Variants in EI24 observed in about 807,000 individuals in gnomAD.
The protein encoded by EI24 is etoposide-induced protein 2.4 homolog.
EI24 carries 21 observed loss-of-function variants against 48.6 expected under a neutral mutation model. The ratio of observed to expected loss-of-function variants is 0.43; its 90% CI spans 0.31 to 0.62. The LOEUF (loss-of-function observed/expected upper bound fraction) is 0.62, where lower values mean the gene tolerates loss of function less well. Among genes scored for constraint, EI24 ranks in the 20% least tolerant of loss-of-function variants. The probability of loss-of-function intolerance (pLI) is 0.10; values close to 1 mark genes in which losing one functional copy is unlikely to be tolerated. For missense variants in EI24, 280 were observed against 410.5 expected (o/e 0.68, Z 2.75); for synonymous variants, 114 against 145.5 (o/e 0.78, Z 1.56).
rs1227885517 is a variant in EI24 at position 125,575,345 on chromosome 11, G to A, written c.125G>A (p.Arg42Gln). Residue 42 changes from arginine (R) to glutamine (Q), a missense_variant, in exon 3 of 11, where the codon CGA (arginine) becomes CAA (glutamine). Physicochemically the swap from Arg to Gln is conservative, Grantham distance 43 (BLOSUM62 1). Coordinates refer to ENST00000278903, the MANE Select transcript of EI24 (RefSeq NM_004879.5). ...RIQQKREEQR[R>Q]RRASSVLAQR... ...CAGCAAAAGAGAGAGGAGCAGCGTC[G>A]AAGAAGGGCAAGTAGTGTCTTGGCA... The A allele has an allele frequency of 6.3e-6, 10 of 1,583,874 alleles. No individual in the cohort carries two copies. The highest frequency in any genetic ancestry group is 2.3e-5 in the South Asian group (2 of 86,218).
chr11:125,573,241 G>A (rs368382848), intron 2 of EI24, among the ~76,000 whole-genome samples: 16 of 152,238 alleles, frequency 1.1e-4, no homozygotes, highest in African/African-American at 3.9e-4. Context: ...AGCTGTGCAC[G>A]TGAGGAGGAT....
At position 125,582,409 on chromosome 11, in the gene EI24, TG is replaced by T; in HGVS notation, c.851del (p.Gly284AlafsTer17). 6.2e-7 allele frequency: 1 copy of T among 1,603,148 alleles called. No homozygotes were observed. The highest frequency in any genetic ancestry group is 8.5e-7 in the Non-Finnish European group (1 of 1,174,588). ...IISANEAKTP[G>X]KAYLFQLRLF... ...TCAGCGCCAATGAAGCAAAGACCCCTGGCAAAGCATAGTAAGTATTAGCCAG... is the reference window on the plus strand; with the variant it reads ...TCAGCGCCAATGAAGCAAAGACCCCTGCAAAGCATAGTAAGTATTAGCCAG... On this transcript the variant is annotated frameshift_variant, in exon 10 of 11. Transcript: ENST00000278903. LOFTEE classifies it high-confidence loss of function.
chr11:125,578,332 G>C (rs1214100865), intron 6 of EI24, 75 bp downstream of exon 6: 11 of 1,598,462 alleles, frequency 6.9e-6, no homozygotes, highest in Non-Finnish European at 8.6e-6. Flanking sequence ...AGCCTGTGAA[G>C]TTAGTGGGCA....
intron 5 of EI24, 127 bp from the exon 6 acceptor site, chr11:125,578,006 G>A (rs1938818596): frequency 9.3e-7 from 1 of 1,080,218 alleles, no homozygotes; most frequent in Non-Finnish European, 1.4e-6. Flanking sequence ...GATAGGTATA[G>A]TGATGTGCTG....
chr11:125,578,009 A>ATG, intron 5 of EI24, 124 bp from the exon 6 acceptor site: 1 of 1,108,410 alleles, frequency 9.0e-7, no homozygotes, highest in South Asian at 1.4e-5. Flanking sequence ...AGGTATAGTG[A>ATG]TGTGCTGGCA....
At chr11:125,576,790 C>T (rs1938767403) in intron 4 of EI24, among the ~76,000 whole-genome samples, 1 of 152,164 alleles carries the variant, frequency 6.6e-6, no homozygotes, top group Non-Finnish European at 1.5e-5. Context: ...AATTTGGGTA[C>T]TTTGAAGAAT....
intron 1 of EI24, chr11:125,570,176 C>G (rs1364564976): frequency 6.6e-6 from 1 of 152,194 alleles, no homozygotes; most frequent in Non-Finnish European, 1.5e-5. Flanking sequence ...TAAGTAAAAA[C>G]AAGTCTCGAC....
intron 10 of EI24, 108 bp downstream of exon 10, chr11:125,582,528 T>C (rs1042410032): frequency 1.2e-6 from 1 of 856,668 alleles, no homozygotes; most frequent in East Asian, 2.8e-5. Flanking sequence ...TGTAGGAAAA[T>C]CTTAATATAA....
At position 125,577,416 on chromosome 11, in the gene EI24, C is replaced by T; in HGVS notation, c.250-88C>T. 4 of 1,305,984 alleles carry T rather than the reference C, an allele frequency of 3.1e-6. No homozygotes were observed. The South Asian group carries it at 5.0e-5, about 16-fold the overall frequency. 80.9% of individuals were successfully genotyped at this position (1,305,984 alleles called of 1,614,324 possible). A position where few individuals can be genotyped will look rare whatever the true frequency, so the allele number is the denominator to read the frequency against. On this transcript the variant is annotated intron_variant, in intron 4 of 10. Transcript: ENST00000278903. Reference sequence around the variant, plus strand: ...GGCCTCCTGATTTATAAAAGTCACTCCCATCTATAAAATCATTACACTAAA... The same window carrying T: ...GGCCTCCTGATTTATAAAAGTCACTTCCATCTATAAAATCATTACACTAAA...
intron 7 of EI24, among the ~76,000 whole-genome samples, chr11:125,579,864 A>G (rs1258160067): frequency 2.0e-5 from 3 of 152,022 alleles, no homozygotes; most frequent in Admixed American, 1.3e-4. Context: ...GGGTCTCAGT[A>G]TGTTGCCCAG....
At chr11:125,583,307 G>A (rs1260985061) in intron 10 of EI24, among the ~76,000 whole-genome samples, 3 of 152,144 alleles carry the variant, frequency 2.0e-5, no homozygotes, top group African/African-American at 7.2e-5. Flanking sequence ...GCCTCCCAAA[G>A]TGCTGGGATT....
intron 7 of EI24, 150 bp downstream of exon 7, chr11:125,579,218 C>A: frequency 1.4e-6 from 1 of 691,920 alleles, no homozygotes; most frequent in Non-Finnish European, 2.0e-6. Context: ...CTTTTTTTCC[C>A]CACGGAAATG....
In EI24 at chr11:125,578,258, G is replaced by A. The variant is rs1938832996; in HGVS notation, c.441+1G>A. On this transcript the variant is annotated splice_donor_variant, in intron 6 of 10. Transcript: ENST00000278903. LOFTEE classifies it high-confidence loss of function. Reference sequence around the variant, plus strand: ...AGTGGTGAATGCCATTTGGTTTCAGGTAGGTCCAGGGCAGAATGGAGTCTG... The same window carrying A: ...AGTGGTGAATGCCATTTGGTTTCAGATAGGTCCAGGGCAGAATGGAGTCTG... The A allele has an allele frequency of 6.2e-7, 1 of 1,613,816 alleles. No homozygotes were observed. The highest frequency in any genetic ancestry group is 1.7e-5 in the Admixed American group (1 of 59,988).
intron 7 of EI24, 106 bp downstream of exon 7, chr11:125,579,174 T>C: frequency 9.8e-7 from 1 of 1,017,714 alleles, no homozygotes; most frequent in Non-Finnish European, 1.3e-6. Flanking sequence ...CAGAGTATTA[T>C]ATATATGCTG....
At chr11:125,583,482 T>A in intron 10 of EI24, 39 bp from the exon 11 acceptor site, 3 of 1,493,228 alleles carry the variant, frequency 2.0e-6, no homozygotes, top group Non-Finnish European at 2.7e-6. Flanking sequence ...TAATTTTGAG[T>A]AACTGGGGAG....
chr11:125,576,343 A>G lies in EI24; in HGVS notation c.249+28A>G, dbSNP rs371769640. 1.6e-4 allele frequency: 261 copies of G among 1,606,746 alleles called. No individual in the cohort carries two copies. The African/African-American group carries it at 3.0e-3, about 18-fold the overall frequency. On this transcript the variant is annotated intron_variant, in intron 4 of 10. Coordinates refer to ENST00000278903, the MANE Select transcript of EI24 (RefSeq NM_004879.5). ...AAGTTCTTTAAATTCCAGGTGCCTT[A>G]TAAGCATCTTCAGATTGTTGCTGGG...
At chr11:125,572,606 C>CT in intron 2 of EI24, 37 bp downstream of exon 2, 1 of 1,582,714 alleles carries the variant, frequency 6.3e-7, no homozygotes, top group Admixed American at 1.8e-5. Context: ...CATCTCTCGG[C>CT]CTTTTTTTTT....
Position 125,583,961 on chromosome 11 carries a change from G to A in EI24, c.*278G>A. ...TAGCATTTGCCAGTCCCTGTGCCTG[G>A]ACTGATTGGAACACTTTGTTTTTCT... On this transcript the variant is annotated 3_prime_UTR_variant, in exon 11 of 11. Transcript: ENST00000278903. 2.3e-6 allele frequency: 1 copy of A among 427,396 alleles called. No homozygotes were observed. Among genetic ancestry groups the A allele is most frequent in the Non-Finnish European group, 4.3e-6 (1 of 232,862 alleles). 26.5% of individuals were successfully genotyped at this position (427,396 alleles called of 1,614,324 possible).
chr11:125,583,187 G>A (rs1363646066), intron 10 of EI24, among the ~76,000 whole-genome samples: 3 of 151,694 alleles, frequency 2.0e-5, no homozygotes, highest in Non-Finnish European at 4.4e-5. Flanking sequence ...TGCAACCTCC[G>A]CCTACCAGGT....
Sources: gnomAD v4.1 joint callset for allele counts (sites outside exome capture counted in the v4.1 genomes callset) on GRCh38, gnomAD v4.1.1 for gene constraint, MANE v1.5 for transcripts, NCBI Gene and HGNC (gene_info 2026-07-23, HGNC 2026-07-21) for gene names.